Variants in CACNA1E observed in about 807,000 individuals in gnomAD.
CACNA1E encodes voltage-dependent R-type calcium channel subunit alpha-1E.
A neutral mutation model predicts 259.2 loss-of-function variants in CACNA1E; 40 were observed. That is an observed-to-expected ratio of 0.15 (90% CI 0.12 to 0.20). The LOEUF is 0.20. Among genes scored for constraint, CACNA1E ranks in the 10% least tolerant of loss-of-function variants. CACNA1E has a pLI of 1.00. For missense variants in CACNA1E, 1,874 were observed against 3,040.1 expected (o/e 0.62, Z 9.02); for synonymous variants, 1,104 against 1,138.5 (o/e 0.97, Z 0.61).
At chr1:181,687,187 G>A (rs1650669397) in intron 7 of CACNA1E, among the ~76,000 whole-genome samples, 1 of 152,144 alleles carries the variant, frequency 6.6e-6, no homozygotes, top group African/African-American at 2.4e-5. Flanking sequence ...GGAGTCATTG[G>A]GGCAGCAGTT....
chr1:181,549,359 G>C (rs951851589), intron 3 of CACNA1E, among the ~76,000 whole-genome samples: 2 of 152,232 alleles, frequency 1.3e-5, no homozygotes, highest in African/African-American at 4.8e-5. Flanking sequence ...AGGGGCCAGA[G>C]TGAGAATGAG....
chr1:181,457,266 C>T (rs1008881525), intron 2 of CACNA1E, among the ~76,000 whole-genome samples: 9 of 152,214 alleles, frequency 5.9e-5, no homozygotes, highest in African/African-American at 1.9e-4. Flanking sequence ...ATGGGGGCTC[C>T]ACCCTTATGA....
intron 35 of CACNA1E, 74 bp downstream of exon 35, chr1:181,766,685 T>A: frequency 2.7e-6 from 3 of 1,101,714 alleles, no homozygotes; most frequent in Non-Finnish European, 4.1e-6. Flanking sequence ...AACCTAAGCA[T>A]GCAAGACCTG....
At chr1:181,384,694 G>A (rs1026430360) in intron 1 of CACNA1E, among the ~76,000 whole-genome samples, 3 of 152,084 alleles carry the variant, frequency 2.0e-5, no homozygotes, top group South Asian at 4.2e-4. Context: ...TGGAAGGGAC[G>A]ATCCTCACTC....
chr1:181,759,395 C>CTGTGTGTGTGTGTGTGTGTGTG (rs10677275), intron 32 of CACNA1E, among the ~76,000 whole-genome samples: 42 of 146,992 alleles, frequency 2.9e-4, no homozygotes, highest in African/African-American at 8.1e-4. Context: ...AGGGGTGTGT[C>CTGTGTGTGTGTGTGTGTGTGTG]TGTGTGTGTG....
At chr1:181,406,833 C>T (rs890446866) in intron 1 of CACNA1E, among the ~76,000 whole-genome samples, 2 of 152,150 alleles carry the variant, frequency 1.3e-5, no homozygotes, top group African/African-American at 4.8e-5. Flanking sequence ...TTTTTTGCCC[C>T]ATATTTACCT....
chr1:181,736,558 G>C, intron 22 of CACNA1E, 124 bp downstream of exon 22: 1 of 889,272 alleles, frequency 1.1e-6, no homozygotes, highest in Non-Finnish European at 1.7e-6. Flanking sequence ...TCCTGGTGGA[G>C]CATGGCCAGA....
Position 181,580,649 on chromosome 1 carries a change from C to G in CACNA1E, c.824C>G (p.Ala275Gly). Residue 275 changes from alanine to glycine, a missense_variant, in exon 6 of 48, where the codon GCT (alanine) becomes GGT (glycine). Ala to Gly is a moderately conservative substitution (Grantham distance 60). Around this residue, in one of 14 missense-constraint regions of CACNA1E, gnomAD observed 28 missense variants for 64.6 expected, o/e 0.43. Transcript: ENST00000367573. ...CCATGTGGTGTGCAGGGCTGCCCAG[C>G]TGGTTATGAATGCAAGGACTGGATC... ...PHPCGVQGCP[A>G]GYECKDWIGP... 6.2e-7 allele frequency: 1 copy of G among 1,614,048 alleles called. No homozygotes were observed. The highest frequency in any genetic ancestry group is 8.5e-7 in the Non-Finnish European group (1 of 1,179,884).
Position 181,798,846 on chromosome 1 carries a change from C to A in CACNA1E, c.*12C>A. 1.3e-6 allele frequency: 2 copies of A among 1,498,004 alleles called. No homozygotes were observed. The highest frequency in any genetic ancestry group is 4.6e-5 in the East Asian group (2 of 43,560). 92.8% of individuals were successfully genotyped at this position (1,498,004 alleles called of 1,614,324 possible). A position where few individuals can be genotyped will look rare whatever the true frequency, so the allele number is the denominator to read the frequency against. ...ATGACAAATGCTAGAGGCTGCTCCC[C>A]CCTCCGATGCATGCTCTTCTCTCAC... On this transcript the variant is annotated 3_prime_UTR_variant, in exon 48 of 48. Coordinates refer to ENST00000367573, the MANE Select transcript of CACNA1E (RefSeq NM_001205293.3). This position sits in a 1 kb window ranked among gnomAD's most constrained non-coding sequence, Gnocchi z 4.2.
intron 6 of CACNA1E, among the ~76,000 whole-genome samples, chr1:181,635,335 A>C (rs1324548475): frequency 2.0e-5 from 3 of 152,100 alleles, no homozygotes; most frequent in Non-Finnish European, 1.5e-5. Flanking sequence ...TCATGAACCC[A>C]TTTGATTCAG....
intron 1 of CACNA1E, among the ~76,000 whole-genome samples, chr1:181,368,776 A>G (rs1571685177): frequency 6.6e-6 from 1 of 152,228 alleles, no homozygotes; most frequent in Non-Finnish European, 1.5e-5. Flanking sequence ...GTGTTTATTT[A>G]TACTGAATTT....
intron 1 of CACNA1E, among the ~76,000 whole-genome samples, chr1:181,488,163 T>G (rs1664012832): frequency 6.6e-6 from 1 of 152,220 alleles, no homozygotes; most frequent in Non-Finnish European, 1.5e-5. Flanking sequence ...AAGTTTTAGT[T>G]CTTAAATCTC....
intron 4 of CACNA1E, 133 bp from the exon 5 acceptor site, chr1:181,578,939 C>T (rs1651246656): frequency 4.3e-6 from 3 of 693,940 alleles, no homozygotes; most frequent in Non-Finnish European, 6.8e-6. Context: ...GAAAGGAGCA[C>T]ATTCTAATAA....
chr1:181,741,019 C>A (rs923257578), intron 25 of CACNA1E, among the ~76,000 whole-genome samples: 1 of 152,176 alleles, frequency 6.6e-6, no homozygotes, highest in African/African-American at 2.4e-5. Context: ...TAAATATTAT[C>A]CTTAGGTTTT....
At chr1:181,717,792 T>A (rs1654042573) in intron 11 of CACNA1E, among the ~76,000 whole-genome samples, 1 of 152,090 alleles carries the variant, frequency 6.6e-6, no homozygotes, top group Non-Finnish European at 1.5e-5. Flanking sequence ...TCTTTCCCCC[T>A]GAGGGCCCTC....
At chr1:181,564,887 C>CT (rs34262228) in intron 3 of CACNA1E, among the ~76,000 whole-genome samples, 209 of 147,370 alleles carry the variant, frequency 1.4e-3, no homozygotes, top group South Asian at 4.1e-3. Flanking sequence ...TGAAAGGAAT[C>CT]TTTTTTTTTT....
chr1:181,526,674 G>A lies in CACNA1E; in HGVS notation c.512+15164G>A, dbSNP rs368600005. ...TAGGTTAGAGTTATAACACAGGACA[G>A]CCTGGCAAGATGCAAGGAACAAAGG... On this transcript the variant is annotated intron_variant, in intron 3 of 47. Transcript: ENST00000367573. Among the ~76,000 whole-genome samples, 134 of 152,276 alleles carry A rather than the reference G, an allele frequency of 8.8e-4. 5 individuals carry two copies. The South Asian group carries it at 0.027, about 30-fold the overall frequency.
At chr1:181,487,471 C>G (rs532541713) in intron 1 of CACNA1E, among the ~76,000 whole-genome samples, 1 of 152,288 alleles carries the variant, frequency 6.6e-6, no homozygotes, top group East Asian at 1.9e-4. Context: ...TTTCATTTTT[C>G]TTGGAAGCTA....
At chr1:181,656,039 A>G (rs1234148470) in intron 7 of CACNA1E, among the ~76,000 whole-genome samples, 1 of 152,238 alleles carries the variant, frequency 6.6e-6, no homozygotes, top group Non-Finnish European at 1.5e-5. Flanking sequence ...GGTGTAAAAA[A>G]ACCCTGAATT....
Sources: allele counts gnomAD v4.1 joint callset (sites outside exome capture counted in the v4.1 genomes callset), GRCh38; gene constraint gnomAD v4.1.1; regional missense constraint gnomAD v4.1.1; non-coding constraint Gnocchi (gnomAD v3.1); transcripts MANE v1.5; gene names NCBI Gene and HGNC (gene_info 2026-07-23, HGNC 2026-07-21).